The following OCA2 variants were observed in gnomAD, a reference collection of about 807,000 sequenced individuals.
The protein encoded by OCA2 is P protein.
OCA2 carries 77 observed loss-of-function variants against 100.2 expected under a neutral mutation model. That is an observed-to-expected ratio of 0.77 (90% CI 0.64 to 0.93). The LOEUF (loss-of-function observed/expected upper bound fraction) is 0.93, where lower values mean the gene tolerates loss of function less well. Ranked by LOEUF, OCA2 falls within the 40% of genes least tolerant of loss-of-function variation. The pLI is 0.00. For synonymous variants in OCA2, 432 were observed against 439.2 expected, an observed-to-expected ratio of 0.98 and a Z score of 0.21; for missense variants, 1,062 against 1,089.1, an observed-to-expected ratio of 0.98 and a Z score of 0.35.
intron 1 of OCA2, among the ~76,000 whole-genome samples, chr15:28,086,408 C>A (rs2044777040): frequency 6.6e-6 from 1 of 152,224 alleles, no homozygotes; most frequent in Admixed American, 6.5e-5. Context: ...AAGGTGGAAT[C>A]CTTCCCCATC....
At position 28,065,886 on chromosome 15, in the gene OCA2, GAAAC is replaced by G. The variant is rs538574847; in HGVS notation, c.227+15758_227+15761del. On this transcript the variant is annotated intron_variant, in intron 2 of 23. Coordinates refer to ENST00000354638, the MANE Select transcript of OCA2 (RefSeq NM_000275.3). ...ATGTGATTCTTCTTAATGATTTTGT[GAAAC>G]AGTTTTCTTAATTTTATTTTCAGAT... is the stretch of plus-strand genomic sequence containing the variant. Among the ~76,000 whole-genome samples, 230 of 152,068 alleles carry G rather than the reference GAAAC, an allele frequency of 1.5e-3. 1 individual carries two copies. Among genetic ancestry groups the G allele is most frequent in the African/African-American group, 5.1e-3 (213 of 41,478 alleles).
At chr15:28,015,645 C>G (rs1360997550) in intron 8 of OCA2, among the ~76,000 whole-genome samples, 1 of 152,164 alleles carries the variant, frequency 6.6e-6, no homozygotes, top group Non-Finnish European at 1.5e-5. Flanking sequence ...CCTGTCGACA[C>G]CTTGACCTCG....
intron 18 of OCA2, among the ~76,000 whole-genome samples, chr15:27,946,656 C>A (rs994800024): frequency 6.6e-6 from 1 of 152,162 alleles, no homozygotes; most frequent in Non-Finnish European, 1.5e-5. Context: ...ACATTTAATT[C>A]GGCTGAAGTT....
the OCA2 span, among the ~76,000 whole-genome samples, chr15:27,727,217 C>G: frequency 6.6e-6 from 1 of 152,200 alleles, no homozygotes; most frequent in Admixed American, 6.5e-5. Flanking sequence ...TGGAGCAGAG[C>G]AGGGAGTGGT....
At chr15:28,083,668 A>G (rs891946934) in intron 1 of OCA2, among the ~76,000 whole-genome samples, 7 of 152,224 alleles carry the variant, frequency 4.6e-5, no homozygotes, top group African/African-American at 1.4e-4. Flanking sequence ...TAATGCTAAC[A>G]ATTTAAAATT....
At chr15:27,927,800 T>G (rs1317723068) in intron 18 of OCA2, among the ~76,000 whole-genome samples, 5 of 144,996 alleles carry the variant, frequency 3.4e-5, no homozygotes, top group Non-Finnish European at 6.0e-5. Context: ...TTTTTTTTTT[T>G]TTTTTTTTTG....
chr15:27,807,888 G>A (rs1404509588), intron 23 of OCA2, among the ~76,000 whole-genome samples: 1 of 152,216 alleles, frequency 6.6e-6, no homozygotes, highest in Non-Finnish European at 1.5e-5. Flanking sequence ...GCTGTCCACA[G>A]GAGGCTGAAC....
chr15:27,850,678 AAATC>A (rs1419411130), intron 22 of OCA2, among the ~76,000 whole-genome samples: 8 of 152,264 alleles, frequency 5.3e-5, no homozygotes, highest in African/African-American at 1.9e-4. Flanking sequence ...TAATAGTCAG[AAATC>A]AATCAAAGAA....
intron 15 of OCA2, among the ~76,000 whole-genome samples, chr15:27,961,961 AAAAT>A (rs1441889992): frequency 3.9e-5 from 6 of 152,090 alleles, no homozygotes; most frequent in African/African-American, 1.4e-4. Context: ...GAAATAAAAT[AAAAT>A]AAATAAAAAT....
At chr15:27,927,037 C>T (rs1281565318) in intron 18 of OCA2, among the ~76,000 whole-genome samples, 11 of 152,302 alleles carry the variant, frequency 7.2e-5, no homozygotes, top group Non-Finnish European at 1.5e-4. Flanking sequence ...CGCCTGTAAT[C>T]CCAGCACTTT....
intron 2 of OCA2, among the ~76,000 whole-genome samples, chr15:28,038,686 G>A (rs111482425): frequency 0.012 from 1,848 of 152,318 alleles, 37 homozygotes; most frequent in African/African-American, 0.042. Flanking sequence ...CAAGCAAGAT[G>A]CATGCTCAGA....
At chr15:27,989,311 T>G (rs2041466475) in intron 11 of OCA2, among the ~76,000 whole-genome samples, 1 of 110,460 alleles carries the variant, frequency 9.1e-6, no homozygotes, top group Non-Finnish European at 2.5e-5. Flanking sequence ...TTATTTGGGA[T>G]AGTCCATTTT....
intron 23 of OCA2, among the ~76,000 whole-genome samples, chr15:27,828,626 A>T (rs2151302918): frequency 6.6e-6 from 1 of 152,286 alleles, no homozygotes; most frequent in East Asian, 1.9e-4. Context: ...TACAGTAAAA[A>T]TCACAGGTTT....
rs2042470743 is a variant in OCA2, at chr15:28,018,409, C to T, written c.795G>A (p.Arg265=). 1 of 1,614,082 alleles carries T rather than the reference C, an allele frequency of 6.2e-7. No individual in the cohort carries two copies. Among genetic ancestry groups the T allele is most frequent in the Non-Finnish European group, 8.5e-7 (1 of 1,180,010 alleles). Residue 265 remains arginine (R), a synonymous_variant, in exon 7 of 24, where the codon CGG becomes CGA. Transcript: ENST00000354638. The part of the protein sequence containing the change: ...TQADALGSRW[R]RPQQVTHNWT... ...TTATCAGCATAACCTGCTGTGGCCG[C>T]CGCCACCTGGAGCCCAAAGCGTCAG...
chr15:27,752,630 G>A (rs1292017835), downstream of OCA2, among the ~76,000 whole-genome samples: 1 of 152,076 alleles, frequency 6.6e-6, no homozygotes, highest in African/African-American at 2.4e-5. Flanking sequence ...CTCAGTCCAC[G>A]TACAGAGGGA....
chr15:27,990,496 C>T (rs1017597760), intron 10 of OCA2, 80 bp downstream of exon 10: 8 of 1,424,650 alleles, frequency 5.6e-6, no homozygotes, highest in African/African-American at 4.2e-5. Context: ...AAAAAACCAG[C>T]GAAAGCCTGA....
intron 18 of OCA2, among the ~76,000 whole-genome samples, chr15:27,932,406 T>C (rs1295902824): frequency 6.7e-6 from 1 of 150,106 alleles, no homozygotes; most frequent in Non-Finnish European, 1.5e-5. Flanking sequence ...ACCTGAGGAA[T>C]AGGAGCAAAA....
At chr15:28,094,655 C>T (rs1446858578) in intron 1 of OCA2, among the ~76,000 whole-genome samples, 1 of 152,264 alleles carries the variant, frequency 6.6e-6, no homozygotes, top group Non-Finnish European at 1.5e-5. Context: ...TGCCGGCCCT[C>T]TCTCCGGCTC....
chr15:28,090,987 T>A (rs1186042820), intron 1 of OCA2, among the ~76,000 whole-genome samples: 2 of 152,158 alleles, frequency 1.3e-5, no homozygotes, highest in Non-Finnish European at 2.9e-5. Context: ...CAGTTATTAA[T>A]GTCAGGAGTG....
Sources: allele counts gnomAD v4.1 joint callset (sites outside exome capture counted in the v4.1 genomes callset), GRCh38; gene constraint gnomAD v4.1.1; transcripts MANE v1.5; gene names NCBI Gene and HGNC (gene_info 2026-07-23, HGNC 2026-07-21).